Variants in MACROD2 observed in about 807,000 individuals in gnomAD.
MACROD2 encodes the protein ADP-ribose glycohydrolase MACROD2.
A neutral mutation model predicts 70.4 loss-of-function variants in MACROD2; 36 were observed. The ratio of observed to expected loss-of-function variants is 0.51; its 90% CI spans 0.39 to 0.68. The LOEUF is 0.68. MACROD2 is among the 30% of genes least tolerant of loss of function. The pLI, the probability that MACROD2 is intolerant of heterozygous loss-of-function variation, is 0.00. For missense variants in MACROD2, 496 were observed against 538.4 expected (o/e 0.92, Z 0.78); for synonymous variants, 172 against 178.8 (o/e 0.96, Z 0.30).
At chr20:16,035,117 T>TATATAA (rs2067209692) in intron 15 of MACROD2, among the ~76,000 whole-genome samples, 1 of 25,542 alleles carries the variant, frequency 3.9e-5, no homozygotes, top group Non-Finnish European at 1.4e-4. Context: ...ATATAAAATA[T>TATATAA]AATATAAAAT....
intron 5 of MACROD2, among the ~76,000 whole-genome samples, chr20:14,738,008 T>C: frequency 6.6e-6 from 1 of 152,176 alleles, no homozygotes; most frequent in East Asian, 1.9e-4. Flanking sequence ...GTTTTGTGTT[T>C]ACCTCTGATA....
chr20:14,257,052 G>A (rs975167423), intron 3 of MACROD2, among the ~76,000 whole-genome samples: 5 of 152,022 alleles, frequency 3.3e-5, no homozygotes, highest in African/African-American at 1.2e-4. Context: ...GACATTACAA[G>A]GGAGACAATA....
At chr20:14,826,129 A>G (rs952667107) in intron 5 of MACROD2, among the ~76,000 whole-genome samples, 2 of 152,114 alleles carry the variant, frequency 1.3e-5, no homozygotes, top group African/African-American at 2.4e-5. Flanking sequence ...TGAACTTGAT[A>G]GAAGGAGAAA....
At chr20:15,323,950 T>C (rs1464105251) in intron 6 of MACROD2, among the ~76,000 whole-genome samples, 1 of 152,156 alleles carries the variant, frequency 6.6e-6, no homozygotes, top group African/African-American at 2.4e-5. Flanking sequence ...TTATTTTAAA[T>C]AATACATGAA....
chr20:14,908,547 C>T (rs1395483862), intron 5 of MACROD2, among the ~76,000 whole-genome samples: 2 of 151,530 alleles, frequency 1.3e-5, no homozygotes, highest in African/African-American at 4.9e-5. Context: ...CCCAGCTACT[C>T]GGGAGGCTGA....
At chr20:14,582,494 T>G (rs1396926491) in intron 4 of MACROD2, among the ~76,000 whole-genome samples, 2 of 152,096 alleles carry the variant, frequency 1.3e-5, no homozygotes, top group East Asian at 1.9e-4. Context: ...CACCGAACAT[T>G]CACTCCAAAC....
At position 14,601,277 on chromosome 20, in the gene MACROD2, G is replaced by A. The variant is rs538494271; in HGVS notation, c.302-83566G>A. On this transcript the variant is annotated intron_variant, in intron 4 of 17. Transcript: ENST00000684519. ...GAGATGTTTTCTGGATGATCATCAG[G>A]CATTAGATTCTCATAAGGAGCATGC... is the stretch of plus-strand genomic sequence containing the variant. Among the ~76,000 whole-genome samples, 7 of 152,140 alleles carry A rather than the reference G, an allele frequency of 4.6e-5. No individual in the cohort carries two copies. The East Asian group carries it at 1.4e-3, about 29-fold the overall frequency.
At chr20:14,142,569 T>A (rs964480048) in intron 3 of MACROD2, among the ~76,000 whole-genome samples, 2 of 152,222 alleles carry the variant, frequency 1.3e-5, no homozygotes, top group Non-Finnish European at 2.9e-5. Flanking sequence ...ATTATGAAGC[T>A]GCCACCACAC....
chr20:15,257,800 T>C (rs1016442416), intron 6 of MACROD2, among the ~76,000 whole-genome samples: 10 of 152,128 alleles, frequency 6.6e-5, no homozygotes, highest in Non-Finnish European at 2.9e-5. Flanking sequence ...ATACTTTTTC[T>C]ACTTATAAAA....
chr20:14,496,387 G>A (rs2123112026), intron 4 of MACROD2, among the ~76,000 whole-genome samples: 2 of 152,234 alleles, frequency 1.3e-5, no homozygotes, highest in South Asian at 4.2e-4. Flanking sequence ...GTGAAATGTA[G>A]ACAAAATTAT....
intron 6 of MACROD2, among the ~76,000 whole-genome samples, chr20:15,427,467 G>T (rs2046313626): frequency 6.6e-6 from 1 of 152,210 alleles, no homozygotes; most frequent in South Asian, 2.1e-4. Context: ...GCCCAGATCA[G>T]TTCCCAGAAA....
chr20:14,203,721 T>G (rs2081499253), intron 3 of MACROD2, among the ~76,000 whole-genome samples: 1 of 152,190 alleles, frequency 6.6e-6, no homozygotes, highest in Non-Finnish European at 1.5e-5. Flanking sequence ...GTGGTGAGGC[T>G]TTACTGGGGA....
At chr20:14,988,175 G>A (rs1329806716) in intron 5 of MACROD2, among the ~76,000 whole-genome samples, 1 of 151,854 alleles carries the variant, frequency 6.6e-6, no homozygotes, top group African/African-American at 2.4e-5. Context: ...ATGAGCCTGG[G>A]CAACATGGCG....
At chr20:15,837,635 C>T (rs2191518) in intron 8 of MACROD2, among the ~76,000 whole-genome samples, 122,449 of 152,030 alleles carry the variant, frequency 0.81, 49,671 homozygotes, top group African/African-American at 0.9. Context: ...ATTTCTACCT[C>T]CAGAAACTCA....
rs374458824 is a variant in MACROD2, at chr20:14,219,463, T to C, written c.271+133735T>C. On this transcript the variant is annotated intron_variant, in intron 3 of 17. Transcript: ENST00000684519. ...GTATCATATTTTGGATTTTCTTACA[T>C]TGGGCTTCGCCTTTCTTTGGTCCCT... 2.6e-5 allele frequency among the ~76,000 whole-genome samples: 4 copies of C among 152,332 alleles called. 1 individual carries two copies. The highest frequency in any genetic ancestry group is 4.1e-4 in the South Asian group (2 of 4,826).
chr20:15,636,053 C>G (rs2049359157), intron 8 of MACROD2, among the ~76,000 whole-genome samples: 1 of 124,360 alleles, frequency 8.0e-6, no homozygotes. Context: ...GCCTGGGCGA[C>G]AGAGCGAGGC....
At chr20:15,821,554 C>A (rs1172790572) in intron 8 of MACROD2, among the ~76,000 whole-genome samples, 1 of 152,116 alleles carries the variant, frequency 6.6e-6, no homozygotes, top group African/African-American at 2.4e-5. Flanking sequence ...TATATACTTG[C>A]ATGTACAGTC....
At chr20:15,357,978 T>G (rs1277836261) in intron 6 of MACROD2, among the ~76,000 whole-genome samples, 2 of 151,888 alleles carry the variant, frequency 1.3e-5, no homozygotes, top group African/African-American at 4.8e-5. Context: ...GGCTAATTTT[T>G]TTTGTATTTT....
chr20:14,525,799 T>C (rs2085224354), intron 4 of MACROD2, among the ~76,000 whole-genome samples: 1 of 152,252 alleles, frequency 6.6e-6, no homozygotes, highest in Non-Finnish European at 1.5e-5. Context: ...CCAACAGTGG[T>C]AAATGAAGAT....
Sources: allele counts gnomAD v4.1 joint callset (sites outside exome capture counted in the v4.1 genomes callset), GRCh38; gene constraint gnomAD v4.1.1; transcripts MANE v1.5; gene names NCBI Gene and HGNC (gene_info 2026-07-23, HGNC 2026-07-21).